Variants in CACNA2D1 observed in about 807,000 individuals in gnomAD.
CACNA2D1 encodes calcium voltage-gated channel auxiliary subunit alpha2delta 1, also known as voltage-dependent calcium channel subunit alpha-2/delta-1.
CACNA2D1 carries 53 observed loss-of-function variants against 171.5 expected under a neutral mutation model. The ratio of observed to expected loss-of-function variants is 0.31; its 90% confidence interval spans 0.25 to 0.39. CACNA2D1 has a LOEUF of 0.39. Ranked by LOEUF, CACNA2D1 falls within the 10% of genes least tolerant of loss-of-function variation. CACNA2D1 has a pLI of 1.00. For missense variants in CACNA2D1, 903 were observed against 1,299.8 expected (o/e 0.69, Z 4.69); for synonymous variants, 442 against 443.1 (o/e 1.00, Z 0.03).
rs77227850 is a variant in CACNA2D1, at chr7:81,963,067, TA to T, written c.2781-573del. On this transcript the variant is annotated intron_variant, in intron 34 of 38. Coordinates refer to ENST00000356860, the MANE Select transcript of CACNA2D1 (RefSeq NM_000722.4). ...CAAATTTCTAGAACTGAATTTAGTT[TA>T]AAAAAAAGTGGGGGTGGGAGGGGAT... is the stretch of plus-strand genomic sequence containing the variant. 5.3e-5 allele frequency among the ~76,000 whole-genome samples: 8 copies of T among 151,638 alleles called. No homozygotes were observed. The East Asian group carries it at 1.4e-3, about 26-fold the overall frequency.
At chr7:82,158,673 C>T (rs910757707) in intron 4 of CACNA2D1, among the ~76,000 whole-genome samples, 2 of 151,772 alleles carry the variant, frequency 1.3e-5, no homozygotes, top group Non-Finnish European at 2.9e-5. Context: ...CTACTGGAAA[C>T]AATATTAGTC....
chr7:82,080,627 A>C (rs1584670661), intron 7 of CACNA2D1, among the ~76,000 whole-genome samples: 1 of 152,238 alleles, frequency 6.6e-6, no homozygotes, highest in Admixed American at 6.5e-5. Context: ...CTAACAAGTT[A>C]TTCATTGCTT....
intron 3 of CACNA2D1, among the ~76,000 whole-genome samples, chr7:82,262,925 A>G (rs1018117457): frequency 1.3e-5 from 2 of 152,022 alleles, no homozygotes; most frequent in South Asian, 2.1e-4. Flanking sequence ...GGAGAATCTG[A>G]GCAAATGGGC....
At chr7:82,425,634 A>G (rs968749605) in intron 1 of CACNA2D1, among the ~76,000 whole-genome samples, 1 of 150,170 alleles carries the variant, frequency 6.7e-6, no homozygotes, top group Admixed American at 6.6e-5. Context: ...CCCAACGTTC[A>G]GGCTCAAGTG....
chr7:81,997,238 G>C lies in CACNA2D1; in HGVS notation c.1603C>G (p.Gln535Glu). 6.3e-7 allele frequency: 1 copy of C among 1,598,978 alleles called. No individual in the cohort carries two copies. Among genetic ancestry groups the C allele is most frequent in the Non-Finnish European group, 8.6e-7 (1 of 1,166,598 alleles). Residue 535 changes from glutamine (Q) to glutamate (E), a missense_variant, in exon 19 of 39, where the codon CAG becomes GAG. By Grantham distance (29) the Gln-to-Glu change is conservative. Around this residue, in one of 5 missense-constraint regions of CACNA2D1, gnomAD observed 623 missense variants for 925.5 expected, o/e 0.67. Transcript: ENST00000356860. ...PNLQPKNPKSQEPVTLDFLDA... is the reference protein window; with the variant it reads ...PNLQPKNPKSEEPVTLDFLDA... ...AGGAAATCCAATGTTACTGGCTCCT[G>C]AGATTTGGGGTTCTACACAGAAAAC...
intron 3 of CACNA2D1, among the ~76,000 whole-genome samples, chr7:82,200,352 A>G (rs1263048454): frequency 3.9e-5 from 6 of 152,104 alleles, no homozygotes; most frequent in Non-Finnish European, 7.4e-5. Context: ...TAATTGAAAT[A>G]TACCTGTGAA....
chr7:82,271,259 A>C (rs1400165368), intron 3 of CACNA2D1, among the ~76,000 whole-genome samples: 9 of 152,112 alleles, frequency 5.9e-5, no homozygotes, highest in African/African-American at 1.9e-4. Context: ...TCTAGAAACT[A>C]GATCCCCTCT....
At chr7:81,969,045 G>T in intron 28 of CACNA2D1, 72 bp from the exon 29 acceptor site, 1 of 856,346 alleles carries the variant, frequency 1.2e-6, no homozygotes, top group Non-Finnish European at 1.9e-6. Flanking sequence ...TCCGTCATTA[G>T]ATACAAATGG....
chr7:82,062,729 CTTTTTTTTTTTTTTTTT>C lies in CACNA2D1; in HGVS notation c.779+1558_779+1574del, dbSNP rs71520797. Among the ~76,000 whole-genome samples the C allele has an allele frequency of 5.8e-5, 3 of 52,170 alleles. 1 individual carries two copies. The highest frequency in any genetic ancestry group is 1.0e-4 in the Non-Finnish European group (3 of 29,906). 34.2% of individuals were successfully genotyped at this position (52,170 alleles called of 152,430 possible). On this transcript the variant is annotated intron_variant, in intron 9 of 38. Transcript: ENST00000356860. ...TTGTCATTTACATTAGGTATATCTCCTTTTTTTTTTTTTTTTTTTTTTTTTTTTTTGAGACAAGCTCT... is the reference window on the plus strand; with the variant it reads ...TTGTCATTTACATTAGGTATATCTCCTTTTTTTTTTTTTGAGACAAGCTCT...
intron 3 of CACNA2D1, among the ~76,000 whole-genome samples, chr7:82,251,711 T>A (rs1038841093): frequency 6.6e-6 from 1 of 152,298 alleles, no homozygotes; most frequent in African/African-American, 2.4e-5. Context: ...ACATTGAAAA[T>A]CTTTTTCCAG....
chr7:82,046,414 T>G (rs1019138121), intron 10 of CACNA2D1, among the ~76,000 whole-genome samples: 4 of 152,170 alleles, frequency 2.6e-5, no homozygotes, highest in Non-Finnish European at 5.9e-5. Context: ...GGCTGCTGGT[T>G]TGCGGTTTCC....
At chr7:82,324,873 C>G (rs1816449387) in intron 3 of CACNA2D1, among the ~76,000 whole-genome samples, 1 of 151,946 alleles carries the variant, frequency 6.6e-6, no homozygotes, top group Admixed American at 6.6e-5. Flanking sequence ...CTAAAGAAAA[C>G]AGTAAAATAG....
intron 12 of CACNA2D1, chr7:82,020,733 G>C (rs1300442187): frequency 6.6e-6 from 1 of 151,942 alleles, no homozygotes; most frequent in Admixed American, 6.6e-5. Context: ...TAATGAAAAA[G>C]GGTATTTTCT....
At chr7:82,287,878 C>T (rs370101649) in intron 3 of CACNA2D1, among the ~76,000 whole-genome samples, 2 of 151,226 alleles carry the variant, frequency 1.3e-5, no homozygotes, top group Non-Finnish European at 1.5e-5. Flanking sequence ...CTCGCTCTGT[C>T]GCCCAGGCTG....
At chr7:82,125,433 T>G (rs764336901) in intron 5 of CACNA2D1, among the ~76,000 whole-genome samples, 7 of 152,214 alleles carry the variant, frequency 4.6e-5, no homozygotes, top group Non-Finnish European at 8.8e-5. Flanking sequence ...TAATGACTTA[T>G]TGGGTCAGAT....
At chr7:82,336,264 C>G (rs1274385029) in intron 2 of CACNA2D1, among the ~76,000 whole-genome samples, 2 of 152,156 alleles carry the variant, frequency 1.3e-5, no homozygotes, top group Non-Finnish European at 2.9e-5. Flanking sequence ...ACAGTATGAT[C>G]CCAGCTGCGC....
At chr7:82,135,489 T>C (rs985716313) in intron 5 of CACNA2D1, among the ~76,000 whole-genome samples, 1 of 152,066 alleles carries the variant, frequency 6.6e-6, no homozygotes, top group South Asian at 2.1e-4. Flanking sequence ...AAAAATACTT[T>C]TTAAAACACT....
At chr7:82,139,481 C>T (rs1418133073) in intron 4 of CACNA2D1, among the ~76,000 whole-genome samples, 1 of 152,126 alleles carries the variant, frequency 6.6e-6, no homozygotes, top group East Asian at 1.9e-4. Context: ...CTACATTCTA[C>T]AAAATCTGTT....
At chr7:82,252,900 A>C (rs1199030380) in intron 3 of CACNA2D1, among the ~76,000 whole-genome samples, 1 of 152,142 alleles carries the variant, frequency 6.6e-6, no homozygotes, top group African/African-American at 2.4e-5. Flanking sequence ...AAAAAAAAAA[A>C]CAAACACTTA....
Sources: allele counts gnomAD v4.1 joint callset (sites outside exome capture counted in the v4.1 genomes callset), GRCh38; gene constraint gnomAD v4.1.1; regional missense constraint gnomAD v4.1.1; transcripts MANE v1.5; gene names NCBI Gene and HGNC (gene_info 2026-07-23, HGNC 2026-07-21).